The following DYNC2I1 variants were observed in gnomAD, a reference collection of about 807,000 sequenced individuals.
DYNC2I1 encodes cytoplasmic dynein 2 intermediate chain 1.
Under a neutral mutation model 133.4 loss-of-function variants are expected in DYNC2I1, and 89 were observed. That is an observed-to-expected ratio of 0.67 (90% CI 0.56 to 0.80). DYNC2I1 has a LOEUF of 0.80. Ranked by LOEUF, DYNC2I1 falls within the 30% of genes least tolerant of loss-of-function variation. The pLI, the probability that DYNC2I1 is intolerant of heterozygous loss-of-function variation, is 0.00. For missense variants in DYNC2I1, 1,291 were observed against 1,314.5 expected (o/e 0.98, Z 0.28); for synonymous variants, 504 against 484.3 (o/e 1.04, Z -0.54).
chr7:158,922,528 A>G lies in DYNC2I1; in HGVS notation c.2073A>G (p.Lys691=), dbSNP rs2730238. ...WDIWQPSGPQ[K]VLICESQVTC... ...TTTGGCAGCCTTCAGGGCCACAGAA[A>G]GTTCTGATATGTGAGTCCCAGGTAC... is the stretch of plus-strand genomic sequence containing the variant. Residue 691 remains lysine (K), a synonymous_variant, in exon 16 of 25, where the codon AAA becomes AAG. Transcript: ENST00000407559. 0.83 allele frequency: 1,336,763 copies of G among 1,613,354 alleles called. 554,968 individuals are homozygous for G. Among genetic ancestry groups the G allele is most frequent in the East Asian group, 0.94 (42,317 of 44,858 alleles).
downstream of DYNC2I1, among the ~76,000 whole-genome samples, chr7:158,948,536 C>G (rs984215893): frequency 8.6e-5 from 13 of 152,038 alleles, no homozygotes; most frequent in African/African-American, 3.1e-4. Context: ...CTTCTGTTTT[C>G]TCACAGTCAT....
intron 24 of DYNC2I1, 119 bp downstream of exon 24, chr7:158,942,267 T>C: frequency 1.4e-6 from 1 of 704,912 alleles, no homozygotes; most frequent in Non-Finnish European, 2.2e-6. Context: ...GATGTGGCCA[T>C]ATGTAAATTT....
intron 10 of DYNC2I1, 64 bp downstream of exon 10, chr7:158,902,659 A>G: frequency 6.9e-7 from 1 of 1,442,950 alleles, no homozygotes; most frequent in Non-Finnish European, 9.6e-7. Context: ...GAGCCCTCAC[A>G]GATGCTGTCA....
At chr7:158,950,370 TTC>T (rs2129490264), downstream of DYNC2I1, among the ~76,000 whole-genome samples, 1 of 152,334 alleles carries the variant, frequency 6.6e-6, no homozygotes, top group Non-Finnish European at 1.5e-5. Context: ...TGGCCTAAGA[TTC>T]CAGGTGTGAG....
At position 158,885,345 on chromosome 7, in the gene DYNC2I1, CT is replaced by C. The variant is rs758083057; in HGVS notation, c.935+740del. On this transcript the variant is annotated intron_variant, in intron 6 of 24. Transcript: ENST00000407559. ...CATAATTGGAGTTTATGTATAAACT[CT>C]TTTTTTTTTTTTTGAGACAGAGTCT... Among the ~76,000 whole-genome samples, 244 of 141,756 alleles carry C rather than the reference CT, an allele frequency of 1.7e-3. 1 individual carries two copies. The highest frequency in any genetic ancestry group is 3.7e-3 in the Middle Eastern group (1 of 268). The allele number at this position is 141,756 out of a possible 152,430, so 93.0% of individuals were successfully genotyped here. A position where few individuals can be genotyped will look rare whatever the true frequency, so the allele number is the denominator to read the frequency against.
At chr7:158,936,453 G>A (rs1210308655) in intron 23 of DYNC2I1, among the ~76,000 whole-genome samples, 1 of 152,134 alleles carries the variant, frequency 6.6e-6, no homozygotes, top group African/African-American at 2.4e-5. Flanking sequence ...ATTTGGCCTG[G>A]CACCAAGTGC....
chr7:158,929,776 A>G (rs959261788), intron 20 of DYNC2I1, among the ~76,000 whole-genome samples: 1 of 152,164 alleles, frequency 6.6e-6, no homozygotes, highest in Non-Finnish European at 1.5e-5. Context: ...CCCTTGTAGT[A>G]GTTTTAGAGG....
At chr7:158,845,986 A>G in the DYNC2I1 span, among the ~76,000 whole-genome samples, 1 of 152,236 alleles carries the variant, frequency 6.6e-6, no homozygotes, top group African/African-American at 2.4e-5. Context: ...TAGGCTGGGC[A>G]TGGTGGCTTA....
intron 1 of DYNC2I1, among the ~76,000 whole-genome samples, chr7:158,868,542 T>G (rs1842611205): frequency 6.6e-6 from 1 of 152,250 alleles, no homozygotes; most frequent in South Asian, 2.1e-4. Context: ...TTGGGTTTTA[T>G]CTGCGCAGCC....
At chr7:158,957,498 GGTAGCAGCTGGAGGGGC>G (rs1225887388), downstream of DYNC2I1, among the ~76,000 whole-genome samples, 1 of 152,226 alleles carries the variant, frequency 6.6e-6, no homozygotes, top group African/African-American at 2.4e-5. Context: ...TATGAAAGTG[GGTAGCAGCTGGAGGGGC>G]GTGTTTGTGG....
intron 8 of DYNC2I1, among the ~76,000 whole-genome samples, chr7:158,893,290 A>G (rs1184102416): frequency 6.6e-6 from 1 of 152,072 alleles, no homozygotes; most frequent in Non-Finnish European, 1.5e-5. Flanking sequence ...GTGTCTGTAT[A>G]GCTTTGCCCT....
intron 16 of DYNC2I1, 117 bp from the exon 17 acceptor site, chr7:158,923,454 C>T: frequency 7.3e-7 from 1 of 1,362,246 alleles, no homozygotes; most frequent in Non-Finnish European, 1.0e-6. Flanking sequence ...CTGGGCCCTG[C>T]AGGTGACTCC....
At chr7:158,849,805 G>T in the DYNC2I1 span, among the ~76,000 whole-genome samples, 2 of 152,224 alleles carry the variant, frequency 1.3e-5, no homozygotes, top group African/African-American at 4.8e-5. Context: ...CTCTGGCTGA[G>T]CCCAGGGCTT....
chr7:158,866,710 C>T (rs1842438037), intron 1 of DYNC2I1, among the ~76,000 whole-genome samples: 1 of 151,460 alleles, frequency 6.6e-6, no homozygotes, highest in East Asian at 2.0e-4. Context: ...CATGGGGTAA[C>T]CCCATCTCTA....
Position 158,871,551 on chromosome 7 carries a change from A to G in DYNC2I1, c.479A>G (p.Lys160Arg). 6.5e-7 allele frequency: 1 copy of G among 1,536,920 alleles called. No homozygotes were observed. Among genetic ancestry groups the G allele is most frequent in the Non-Finnish European group, 8.7e-7 (1 of 1,145,494 alleles). ...CAGCTCCTGGAGCGGGCGGAGAGGA[A>G]AGGCCGCTCAGGTGGGTCCCCGCTT... The part of the protein sequence containing the change: ...DRQLLERAER[K>R]GRSVSKVRSE... The change falls in exon 3 of 25, where the codon AAA becomes AGA. Residue 160 changes from lysine to arginine, a missense_variant. By Grantham distance (26) the Lys-to-Arg change is conservative. Coordinates refer to ENST00000407559, the MANE Select transcript of DYNC2I1 (RefSeq NM_018051.5).
intron 14 of DYNC2I1, among the ~76,000 whole-genome samples, chr7:158,916,229 C>G (rs372483972): frequency 9.0e-5 from 4 of 44,472 alleles, no homozygotes; most frequent in Admixed American, 5.2e-4. Context: ...CGCTGGTTGA[C>G]ATTAAGGATG....
intron 20 of DYNC2I1, among the ~76,000 whole-genome samples, chr7:158,929,501 G>C (rs2245130): frequency 0.47 from 71,797 of 152,026 alleles, 17,753 homozygotes; most frequent in Non-Finnish European, 0.54. Context: ...GGAGGACCCG[G>C]CCAGAAAAGC....
chr7:158,951,450 C>T (rs1324862975), intron 4 of DYNC2I1, among the ~76,000 whole-genome samples: 1 of 152,206 alleles, frequency 6.6e-6, no homozygotes, highest in African/African-American at 2.4e-5. Context: ...GAGACGGGGT[C>T]CCCAGCCAGG....
Position 158,926,471 on chromosome 7 carries a change from G to A in DYNC2I1, c.2433+8G>A. 1 of 1,612,228 alleles carries A rather than the reference G, an allele frequency of 6.2e-7. No homozygotes were observed. The highest frequency in any genetic ancestry group is 2.2e-5 in the East Asian group (1 of 44,868). ...GGGGTTCTCAATGTATGGGTGAGTA[G>A]TGGCCCAGGCCGGGCACATGCGGGG... On this transcript the variant is annotated splice_region_variant and intron_variant, in intron 19 of 24. Coordinates refer to ENST00000407559, the MANE Select transcript of DYNC2I1 (RefSeq NM_018051.5).
Sources: allele counts gnomAD v4.1 joint callset (sites outside exome capture counted in the v4.1 genomes callset), GRCh38; gene constraint gnomAD v4.1.1; transcripts MANE v1.5; gene names NCBI Gene and HGNC (gene_info 2026-07-23, HGNC 2026-07-21).